NIM1K: variants seen among roughly 807,000 people sequenced by gnomAD.
NIM1K encodes serine/threonine-protein kinase NIM1.
Under a neutral mutation model 37.1 loss-of-function variants are expected in NIM1K, and 35 were observed. The ratio of observed to expected loss-of-function variants is 0.94; its 90% CI spans 0.72 to 1.25. NIM1K has a LOEUF of 1.25. NIM1K is among the 50% of genes most tolerant of loss of function. The pLI is 0.00. For synonymous variants in NIM1K, 234 were observed against 206.6 expected (o/e 1.13, Z -1.14); for missense variants, 564 against 548.0 (o/e 1.03, Z -0.29).
Position 43,277,076 on chromosome 5 carries a change from C to T in NIM1K, c.312C>T (p.Ile104=), listed in dbSNP as rs1753353100. 1 of 1,613,888 alleles carries T rather than the reference C, an allele frequency of 6.2e-7. No homozygotes were observed. Among genetic ancestry groups the T allele is most frequent in the Admixed American group, 1.7e-5 (1 of 59,984 alleles). The change falls in exon 3 of 4, where the codon ATC becomes ATT. Residue 104 remains isoleucine, a synonymous_variant. Coordinates refer to ENST00000326035, the MANE Select transcript of NIM1K (RefSeq NM_153361.4). ...TTGCAGAAAAGGTGGCCATTAAGATCCTGGACAAGACCAAGTTAGACCAGA... is the reference window on the plus strand; with the variant it reads ...TTGCAGAAAAGGTGGCCATTAAGATTCTGGACAAGACCAAGTTAGACCAGA... ...SLTKEKVAIK[I]LDKTKLDQKT...
rs78048022 is a variant in NIM1K at position 43,207,076 on chromosome 5, C to T, written c.-695+14665C>T. The T allele has an allele frequency of 3.4e-3, 2,411 of 718,278 alleles. 47 individuals are homozygous for T. In the African/African-American group the frequency reaches 0.037, roughly 11 times the overall value. 44.5% of individuals were successfully genotyped at this position (718,278 alleles called of 1,614,324 possible). A position where few individuals can be genotyped will look rare whatever the true frequency, so the allele number is the denominator to read the frequency against. ...CAGATATTGGCCCATTACCTATGGG[C>T]GCCTGGTTGAATATGACATAGATTG... On this transcript the variant is annotated intron_variant, in intron 1 of 3. Coordinates refer to ENST00000326035, the MANE Select transcript of NIM1K (RefSeq NM_153361.4).
chr5:43,273,679 T>G (rs1753293219), intron 2 of NIM1K, among the ~76,000 whole-genome samples: 1 of 152,196 alleles, frequency 6.6e-6, no homozygotes, highest in South Asian at 2.1e-4. Context: ...CATTCTGCTT[T>G]TCCAGAACAG....
At chr5:43,222,771 G>A (rs940547091) in intron 1 of NIM1K, among the ~76,000 whole-genome samples, 1 of 151,878 alleles carries the variant, frequency 6.6e-6, no homozygotes, top group African/African-American at 2.4e-5. Flanking sequence ...AGCCTGCTTT[G>A]TAGCAGGCTA....
At position 43,206,245 on chromosome 5, in the gene NIM1K, C is replaced by T. The variant is rs10046075; in HGVS notation, c.-695+13834C>T. Among the ~76,000 whole-genome samples the T allele has an allele frequency of 4.1e-3, 615 of 151,762 alleles. 2 individuals carry two copies. Among genetic ancestry groups the T allele is most frequent in the African/African-American group, 0.014 (573 of 41,376 alleles). On this transcript the variant is annotated intron_variant, in intron 1 of 3. Transcript: ENST00000326035. ...GTAAAGAAAAGAAAATACCGCCGGG[C>T]GGGGTGGCTCTATGCCTGTAGTCCC...
intron 2 of NIM1K, among the ~76,000 whole-genome samples, chr5:43,254,433 A>T (rs1481863229): frequency 6.6e-6 from 1 of 152,216 alleles, no homozygotes; most frequent in Non-Finnish European, 1.5e-5. Flanking sequence ...AAACTCTGGG[A>T]TGTAGTGACA....
In NIM1K at chr5:43,245,826, C is replaced by T. The variant is rs1193906667; in HGVS notation, c.51C>T (p.Ala17=). The change falls in exon 2 of 4, where the codon GCC becomes GCT. Residue 17 remains alanine (A), a synonymous_variant. Transcript: ENST00000326035. ...GTGGCCTGGTGAACCCCCACTATGC[C>T]CGGTGGGATCGGCGCGACAGTGTAG... ...NGGGLVNPHY[A]RWDRRDSVES... The T allele has an allele frequency of 1.2e-6, 2 of 1,613,238 alleles. No homozygotes were observed. The highest frequency in any genetic ancestry group is 2.2e-5 in the South Asian group (2 of 90,974).
intron 2 of NIM1K, among the ~76,000 whole-genome samples, chr5:43,250,600 T>G (rs1257392684): frequency 1.3e-5 from 2 of 152,186 alleles, no homozygotes; most frequent in Admixed American, 1.3e-4. Flanking sequence ...CAGGGACTAA[T>G]GTTGCTTTTC....
intron 1 of NIM1K, chr5:43,233,282 C>T: frequency 2.2e-6 from 1 of 458,214 alleles, no homozygotes. Flanking sequence ...CTATTATTTT[C>T]TTTCCTTCTT....
intron 2 of NIM1K, among the ~76,000 whole-genome samples, chr5:43,254,871 C>T (rs4428421): frequency 0.91 from 137,751 of 152,194 alleles, 63,269 homozygotes; most frequent in East Asian, 1. Flanking sequence ...ACCTGACTGC[C>T]CACTGGTTTT....
intron 1 of NIM1K, among the ~76,000 whole-genome samples, chr5:43,196,486 T>C (rs1165743618): frequency 7.0e-6 from 1 of 142,966 alleles, no homozygotes; most frequent in Non-Finnish European, 1.5e-5. Flanking sequence ...AAAAAAAAAA[T>C]TAGCCAGGTG....
At chr5:43,267,885 A>T (rs548607344) in intron 2 of NIM1K, among the ~76,000 whole-genome samples, 328 of 152,288 alleles carry the variant, frequency 2.2e-3, no homozygotes, top group Non-Finnish European at 3.7e-3. Context: ...CCTATGTTGG[A>T]ATATATTCCA....
chr5:43,228,163 T>C (rs79613271), intron 1 of NIM1K, among the ~76,000 whole-genome samples: 7 of 152,128 alleles, frequency 4.6e-5, no homozygotes, highest in African/African-American at 1.4e-4. Context: ...TTTTTTTTTT[T>C]TGACTTGGAG....
intron 1 of NIM1K, among the ~76,000 whole-genome samples, chr5:43,212,816 A>C (rs533743667): frequency 6.6e-6 from 1 of 152,338 alleles, no homozygotes; most frequent in South Asian, 2.1e-4. Context: ...CTCACCATGC[A>C]CTTGGGTCTA....
intron 2 of NIM1K, among the ~76,000 whole-genome samples, chr5:43,250,053 C>T (rs1490719273): frequency 6.6e-6 from 1 of 151,706 alleles, no homozygotes; most frequent in Admixed American, 6.6e-5. Context: ...GGGGTTTCAC[C>T]ATGTTAGCCA....
intron 3 of NIM1K, among the ~76,000 whole-genome samples, chr5:43,277,616 C>T (rs1271658791): frequency 6.6e-6 from 1 of 152,114 alleles, no homozygotes; most frequent in Non-Finnish European, 1.5e-5. Context: ...TTTCTCCAAC[C>T]TCATCTTCCA....
At chr5:43,242,729 A>G (rs1752722131) in intron 1 of NIM1K, 1 of 151,898 alleles carries the variant, frequency 6.6e-6, no homozygotes. Flanking sequence ...CTTCTTCAAC[A>G]AACTTTTATC....
intron 2 of NIM1K, among the ~76,000 whole-genome samples, chr5:43,257,429 A>G (rs1323942953): frequency 1.5e-5 from 2 of 129,638 alleles, no homozygotes; most frequent in Non-Finnish European, 3.1e-5. Context: ...GTGCAGTGGC[A>G]TGATCTCGGC....
chr5:43,241,296 T>C (rs1752698620), intron 1 of NIM1K, among the ~76,000 whole-genome samples: 1 of 151,306 alleles, frequency 6.6e-6, no homozygotes, highest in Non-Finnish European at 1.5e-5. Flanking sequence ...ATCATTTTTC[T>C]TTTTTGGGAG....
chr5:43,205,165 C>T (rs932656139), intron 1 of NIM1K, among the ~76,000 whole-genome samples: 2 of 152,186 alleles, frequency 1.3e-5, no homozygotes, highest in East Asian at 1.9e-4. Context: ...CCACTGCACA[C>T]CAGAGGGAGG....
Sources: gnomAD v4.1 joint callset for allele counts (sites outside exome capture counted in the v4.1 genomes callset) on GRCh38, gnomAD v4.1.1 for gene constraint, MANE v1.5 for transcripts, NCBI Gene and HGNC (gene_info 2026-07-23, HGNC 2026-07-21) for gene names.